The following PDCD1LG2 variants were observed in gnomAD, a reference collection of about 807,000 sequenced individuals.
The protein encoded by PDCD1LG2 is programmed cell death 1 ligand 2.
Under a neutral mutation model 28.2 loss-of-function variants are expected in PDCD1LG2, and 32 were observed. The ratio of observed to expected loss-of-function variants is 1.13; its 90% confidence interval spans 0.86 to 1.52. The LOEUF is 1.52. Among genes scored for constraint, PDCD1LG2 ranks in the 40% most tolerant of loss-of-function variants. The probability of loss-of-function intolerance (pLI) is 0.00; values close to 1 mark genes in which losing one functional copy is unlikely to be tolerated. For synonymous variants in PDCD1LG2, 116 were observed against 120.2 expected (o/e 0.97, Z 0.23); for missense variants, 385 against 323.8 (o/e 1.19, Z -1.45).
rs1275127251 is a variant in PDCD1LG2, at chr9:5,569,831, C to A, written c.817-123C>A. The A allele has an allele frequency of 3.1e-6, 3 of 958,796 alleles. No individual in the cohort carries two copies. Among genetic ancestry groups the A allele is most frequent in the Non-Finnish European group, 4.9e-6 (3 of 608,370 alleles). 59.4% of individuals were successfully genotyped at this position (958,796 alleles called of 1,614,324 possible). The stretch of plus-strand genomic sequence containing the variant: ...AAGTTTTAAATGAAAAGTTTTAAAC[C>A]ATGCGGCTTCCAGCTAGATGAACTT... On this transcript the variant is annotated intron_variant, in intron 6 of 6. Coordinates refer to ENST00000397747, the MANE Select transcript of PDCD1LG2 (RefSeq NM_025239.4). This position sits in a 1 kb window ranked among gnomAD's most constrained non-coding sequence, Gnocchi z 4.1.
chr9:5,544,671 T>C (rs1820757333), intron 3 of PDCD1LG2, among the ~76,000 whole-genome samples: 1 of 152,108 alleles, frequency 6.6e-6, no homozygotes, highest in Admixed American at 6.6e-5. Flanking sequence ...AATAATACAG[T>C]TGACTAGATC....
chr9:5,511,300 G>A (rs1316004083), intron 1 of PDCD1LG2, among the ~76,000 whole-genome samples: 1 of 152,184 alleles, frequency 6.6e-6, no homozygotes, highest in Non-Finnish European at 1.5e-5. Flanking sequence ...ACTTATAGAG[G>A]TAATCATTAT....
At chr9:5,522,676 T>A in intron 2 of PDCD1LG2, 75 bp downstream of exon 2, 2 of 1,369,968 alleles carry the variant, frequency 1.5e-6, no homozygotes, top group South Asian at 2.4e-5. Flanking sequence ...AAAATGAGAA[T>A]GTGGCCCTCA....
At chr9:5,515,922 CAAAAAAAAAAAAA>C (rs1204038026) in intron 1 of PDCD1LG2, among the ~76,000 whole-genome samples, 3 of 30,300 alleles carry the variant, frequency 9.9e-5, no homozygotes, top group South Asian at 2.1e-3. Context: ...GACTCCATCT[CAAAAAAAAAAAAA>C]AAAAAAAAAA....
intron 6 of PDCD1LG2, among the ~76,000 whole-genome samples, chr9:5,567,990 G>C (rs988307290): frequency 2.0e-5 from 3 of 152,166 alleles, no homozygotes; most frequent in Non-Finnish European, 4.4e-5. Context: ...ACTTCCACCT[G>C]AGAACTGACC....
intron 3 of PDCD1LG2, among the ~76,000 whole-genome samples, chr9:5,539,537 G>A (rs10975172): frequency 0.062 from 9,370 of 152,290 alleles, 452 homozygotes; most frequent in Non-Finnish European, 0.092. Context: ...TGGAATGACC[G>A]GAGATTCTGG....
At chr9:5,550,977 G>A (rs1690537487) in intron 4 of PDCD1LG2, among the ~76,000 whole-genome samples, 1 of 152,160 alleles carries the variant, frequency 6.6e-6, no homozygotes, top group South Asian at 2.1e-4. Flanking sequence ...ACAGGCGTGA[G>A]CCATCATGAT....
At chr9:5,538,345 T>A (rs1301102698) in intron 3 of PDCD1LG2, among the ~76,000 whole-genome samples, 1 of 152,160 alleles carries the variant, frequency 6.6e-6, no homozygotes, top group Non-Finnish European at 1.5e-5. Context: ...TGCATATATT[T>A]TTTTTCTTGT....
intron 6 of PDCD1LG2, among the ~76,000 whole-genome samples, chr9:5,564,586 G>C (rs1309914658): frequency 2.0e-5 from 3 of 152,134 alleles, no homozygotes; most frequent in South Asian, 2.1e-4. Context: ...CCCTTAAAGA[G>C]GCACCAGCAT....
chr9:5,546,531 G>T (rs1420320813), intron 3 of PDCD1LG2, among the ~76,000 whole-genome samples: 1 of 152,208 alleles, frequency 6.6e-6, no homozygotes, highest in Non-Finnish European at 1.5e-5. Context: ...GGAGATTGGT[G>T]AGTCTAACAG....
At chr9:5,518,531 T>G (rs1287948653) in intron 1 of PDCD1LG2, among the ~76,000 whole-genome samples, 2 of 152,258 alleles carry the variant, frequency 1.3e-5, no homozygotes, top group African/African-American at 4.8e-5. Context: ...TTCTTGGATA[T>G]ATATGCATCT....
chr9:5,530,331 A>T (rs932231439), intron 2 of PDCD1LG2, among the ~76,000 whole-genome samples: 3 of 152,178 alleles, frequency 2.0e-5, no homozygotes, highest in Non-Finnish European at 4.4e-5. Flanking sequence ...CTGTGTTGTC[A>T]GCTTAATTTT....
At chr9:5,566,096 G>A (rs1417715768) in intron 6 of PDCD1LG2, among the ~76,000 whole-genome samples, 1 of 148,856 alleles carries the variant, frequency 6.7e-6, no homozygotes, top group Non-Finnish European at 1.5e-5. Flanking sequence ...TATGAGGAGA[G>A]TGTACAGCTC....
intron 1 of PDCD1LG2, among the ~76,000 whole-genome samples, chr9:5,517,797 T>C (rs980858008): frequency 6.6e-6 from 1 of 152,146 alleles, no homozygotes; most frequent in South Asian, 2.1e-4. Flanking sequence ...GGTTGGTTAA[T>C]GAATCAGATG....
chr9:5,568,827 T>A (rs1262959791), intron 6 of PDCD1LG2, among the ~76,000 whole-genome samples: 1 of 152,224 alleles, frequency 6.6e-6, no homozygotes, highest in African/African-American at 2.4e-5. Flanking sequence ...AGTCTGTGTA[T>A]TTTTTATGGT....
chr9:5,527,945 C>T (rs541327294), intron 2 of PDCD1LG2, among the ~76,000 whole-genome samples: 2 of 152,246 alleles, frequency 1.3e-5, no homozygotes, highest in Admixed American at 1.3e-4. Flanking sequence ...TCTCCTGCCT[C>T]AGCCTCCCAA....
intron 3 of PDCD1LG2, among the ~76,000 whole-genome samples, chr9:5,536,558 G>A (rs1466764361): frequency 6.6e-6 from 1 of 152,174 alleles, no homozygotes; most frequent in African/African-American, 2.4e-5. Context: ...TCGAATATCT[G>A]CAACCCTAAA....
intron 1 of PDCD1LG2, among the ~76,000 whole-genome samples, chr9:5,513,287 A>G (rs1820095899): frequency 6.6e-6 from 1 of 152,226 alleles, no homozygotes; most frequent in Non-Finnish European, 1.5e-5. Context: ...TCAGCTATGC[A>G]CTGCCCTTTA....
intron 2 of PDCD1LG2, among the ~76,000 whole-genome samples, chr9:5,532,790 A>G (rs1242671410): frequency 1.3e-5 from 2 of 152,224 alleles, no homozygotes; most frequent in Non-Finnish European, 2.9e-5. Flanking sequence ...CCACTTTCCC[A>G]AGAATTAAAA....
Sources: allele counts gnomAD v4.1 joint callset (sites outside exome capture counted in the v4.1 genomes callset), GRCh38; gene constraint gnomAD v4.1.1; non-coding constraint Gnocchi (gnomAD v3.1); transcripts MANE v1.5; gene names NCBI Gene and HGNC (gene_info 2026-07-23, HGNC 2026-07-21).